The following ZNF568 variants were observed in gnomAD, a reference collection of about 807,000 sequenced individuals.
ZNF568 encodes p53 inhibitor of SCO2 activation.
ZNF568 carries 11 observed loss-of-function variants against 18.1 expected under a neutral mutation model. That is an observed-to-expected ratio of 0.61 (90% CI 0.38 to 1.00). The LOEUF (loss-of-function observed/expected upper bound fraction) is 1.00. ZNF568 is among the 50% of genes least tolerant of loss of function. The pLI, the probability that ZNF568 is intolerant of heterozygous loss-of-function variation, is 0.01. For synonymous variants in ZNF568, 213 were observed against 246.6 expected, an observed-to-expected ratio of 0.86 and a Z score of 1.28; for missense variants, 639 against 768.2, an observed-to-expected ratio of 0.83 and a Z score of 1.99.
chr19:36,925,347 T>A, intron 4 of ZNF568, 89 bp downstream of exon 4: 1 of 1,173,340 alleles, frequency 8.5e-7, no homozygotes. Flanking sequence ...TTGGAAAAAA[T>A]AAATTGATGA....
At chr19:36,933,916 G>GTTTTTTTGTTTTTTTTTTTT (rs2073739666) in intron 4 of ZNF568, among the ~76,000 whole-genome samples, 2 of 20,724 alleles carry the variant, frequency 9.7e-5, no homozygotes, top group African/African-American at 3.2e-4. Flanking sequence ...TTTTTGTTTT[G>GTTTTTTTGTTTTTTTTTTTT]TTTTTTTGTT....
Position 36,950,831 on chromosome 19 carries a change from T to G in ZNF568, c.1678T>G (p.Cys560Gly), listed in dbSNP as rs773229900. Residue 560 changes from cysteine to glycine, a missense_variant, in exon 7 of 7, where the codon TGT becomes GGT. Cys to Gly is a radical substitution (Grantham distance 159). Transcript: ENST00000333987. ...KIHTGEKPFKCNECGKAFSRI... is the reference protein window; with the variant it reads ...KIHTGEKPFKGNECGKAFSRI... The stretch of plus-strand genomic sequence containing the variant: ...TCATACTGGAGAGAAACCATTCAAA[T>G]GTAATGAATGTGGTAAAGCCTTCTC... 2.4e-5 allele frequency: 38 copies of G among 1,613,728 alleles called. No individual in the cohort carries two copies. The highest frequency in any genetic ancestry group is 3.1e-5 in the Non-Finnish European group (37 of 1,179,974).
At chr19:36,922,534 G>A (rs950288433) in intron 2 of ZNF568, 52 bp from the exon 3 acceptor site, 2 of 377,038 alleles carry the variant, frequency 5.3e-6, no homozygotes, top group Middle Eastern at 7.1e-4. Flanking sequence ...GGTTATCACA[G>A]GGAGCCAGTG....
intron 4 of ZNF568, among the ~76,000 whole-genome samples, chr19:36,933,361 G>A (rs915422678): frequency 5.9e-5 from 9 of 151,878 alleles, no homozygotes; most frequent in Admixed American, 3.9e-4. Context: ...ATCATGTTGA[G>A]GAAGTTCCCT....
Position 36,950,270 on chromosome 19 carries a change from C to G in ZNF568, c.1117C>G (p.Arg373Gly). 6.2e-7 allele frequency: 1 copy of G among 1,613,830 alleles called. No individual in the cohort carries two copies. The highest frequency in any genetic ancestry group is 8.5e-7 in the Non-Finnish European group (1 of 1,179,954). Residue 373 changes from arginine to glycine, a missense_variant, in exon 7 of 7, where the codon CGA (arginine) becomes GGA (glycine). Transcript: ENST00000333987. ...ACNECGRAFS[R>G]MSSVTLHMRS... ...TAATGAATGTGGTAGAGCTTTTTCT[C>G]GAATGTCATCTGTTACGCTACATAT...
At chr19:36,971,998 G>A (rs974808035) in intron 6 of ZNF568, among the ~76,000 whole-genome samples, 3 of 145,398 alleles carry the variant, frequency 2.1e-5, no homozygotes, top group African/African-American at 7.7e-5. Context: ...CCACACCCAG[G>A]TAAATTTTGT....
At chr19:36,997,002 C>T in exon 5 of ZNF568, 1 of 1,549,142 alleles carries the variant, frequency 6.5e-7, no homozygotes. Flanking sequence ...GTCCCTCACA[C>T]CTTTTTCGAC....
intron 6 of ZNF568, among the ~76,000 whole-genome samples, chr19:36,941,010 G>C (rs547429502): frequency 6.6e-6 from 1 of 152,096 alleles, no homozygotes; most frequent in African/African-American, 2.4e-5. Flanking sequence ...TAGCATTCAT[G>C]TTCTCTTTTG....
At chr19:36,987,566 T>C (rs77120382) in intron 2 of ZNF568, among the ~76,000 whole-genome samples, 2,588 of 151,968 alleles carry the variant, frequency 0.017, 34 homozygotes, top group African/African-American at 0.036. Flanking sequence ...AGGTATCCTG[T>C]GCTCCTGGGC....
intron 6 of ZNF568, among the ~76,000 whole-genome samples, chr19:36,964,299 A>T (rs1226908687): frequency 1.3e-5 from 2 of 152,164 alleles, no homozygotes; most frequent in Admixed American, 1.3e-4. Flanking sequence ...TCCAAGTCAC[A>T]TAAACATTTG....
chr19:36,962,277 GTTT>G (rs71177418), intron 6 of ZNF568, among the ~76,000 whole-genome samples: 2,906 of 44,772 alleles, frequency 0.065, 146 homozygotes, highest in African/African-American at 0.19. Context: ...GTGTTGCAGT[GTTT>G]TTTTTTTTTT....
At chr19:36,921,153 A>G (rs2073447381) in intron 2 of ZNF568, among the ~76,000 whole-genome samples, 1 of 152,168 alleles carries the variant, frequency 6.6e-6, no homozygotes. Context: ...GTATATATTA[A>G]TAGTTTGTTA....
chr19:36,940,209 A>C (rs1234238484), intron 6 of ZNF568, among the ~76,000 whole-genome samples: 3 of 152,196 alleles, frequency 2.0e-5, no homozygotes, highest in Non-Finnish European at 4.4e-5. Flanking sequence ...ACAGCATTGG[A>C]ATATGTATCT....
chr19:36,947,699 A>G (rs780851520), intron 6 of ZNF568, among the ~76,000 whole-genome samples: 6 of 152,102 alleles, frequency 3.9e-5, no homozygotes, highest in Non-Finnish European at 8.8e-5. Context: ...AGGTCTTGCT[A>G]TGTTTCCCAG....
chr19:36,927,870 A>G (rs574620779), intron 4 of ZNF568, among the ~76,000 whole-genome samples: 62 of 53,482 alleles, frequency 1.2e-3, no homozygotes, highest in East Asian at 9.5e-3. Flanking sequence ...GTATATATAT[A>G]TATATATATA....
At chr19:36,923,454 T>C (rs1420829441) in intron 3 of ZNF568, among the ~76,000 whole-genome samples, 3 of 151,998 alleles carry the variant, frequency 2.0e-5, no homozygotes, top group African/African-American at 7.3e-5. Context: ...GTCCTAGATT[T>C]TGCTTGAGAA....
chr19:36,917,668 A>T lies in ZNF568; in HGVS notation c.-186+20A>T, dbSNP rs2146259900. On this transcript the variant is annotated intron_variant, in intron 2 of 6. Transcript: ENST00000333987. ...TAATAGGTGAGTATAGTTCAGTGGCATTTATCATGATTGCTCATAAAAAAT... is the reference window on the plus strand; with the variant it reads ...TAATAGGTGAGTATAGTTCAGTGGCTTTTATCATGATTGCTCATAAAAAAT... 1 of 152,284 alleles carries T rather than the reference A, an allele frequency of 6.6e-6. No individual in the cohort carries two copies. Among genetic ancestry groups the T allele is most frequent in the South Asian group, 2.1e-4 (1 of 4,826 alleles). The allele number at this position is 152,284 out of a possible 1,614,324, so 9.4% of individuals were successfully genotyped here.
Position 36,991,894 on chromosome 19 carries a change from T to A in ZNF568, c.229+48T>A, listed in dbSNP as rs2074427935. The stretch of plus-strand genomic sequence containing the variant: ...GGGGAGGCCATAGCAGGTGGTCACT[T>A]AGCTCATCTGTGAGAAGGCAGCACT... On this transcript the variant is annotated intron_variant, in intron 4 of 4. Transcript: ENST00000433993. The A allele has an allele frequency of 2.7e-6, 4 of 1,461,542 alleles. No individual in the cohort carries two copies. The East Asian group carries it at 9.6e-5, about 35-fold the overall frequency. 90.5% of individuals were successfully genotyped at this position (1,461,542 alleles called of 1,614,324 possible).
At chr19:36,991,370 GTTCTTTT>G in intron 3 of ZNF568, 1 of 1,441,358 alleles carries the variant, frequency 6.9e-7, no homozygotes, top group Non-Finnish European at 9.1e-7. Context: ...GAATTCTTAT[GTTCTTTT>G]TTCTGAGTTT....
Sources: allele counts gnomAD v4.1 joint callset (sites outside exome capture counted in the v4.1 genomes callset), GRCh38; gene constraint gnomAD v4.1.1; transcripts MANE v1.5; gene names NCBI Gene and HGNC (gene_info 2026-07-23, HGNC 2026-07-21).